The following VCAM1 variants were observed in gnomAD, a reference collection of about 807,000 sequenced individuals.
VCAM1 encodes the protein vascular cell adhesion molecule 1, also known as vascular cell adhesion protein 1.
In VCAM1, 41 loss-of-function variants were observed where a neutral mutation model predicts 63.8. The ratio of observed to expected loss-of-function variants is 0.64; its 90% CI spans 0.50 to 0.83. The LOEUF is 0.83. VCAM1 is among the 40% of genes least tolerant of loss of function. VCAM1 has a pLI of 0.00. For synonymous variants in VCAM1, 338 were observed against 320.7 expected (o/e 1.05, Z -0.58); for missense variants, 798 against 875.5 (o/e 0.91, Z 1.12).
chr1:100,729,175 T>G lies in VCAM1; in HGVS notation c.997T>G (p.Leu333Val), dbSNP rs762193254. 3 of 1,613,314 alleles carry G rather than the reference T, an allele frequency of 1.9e-6. No individual in the cohort carries two copies. Among genetic ancestry groups the G allele is most frequent in the Non-Finnish European group, 2.5e-6 (3 of 1,179,520 alleles). The change falls in exon 5 of 9, where the codon TTG becomes GTG. Residue 333 changes from leucine (L) to valine (V), a missense_variant. Physicochemically the swap from Leu to Val is conservative, Grantham distance 32. Coordinates refer to ENST00000294728, the MANE Select transcript of VCAM1 (RefSeq NM_001078.4). Reference protein sequence around the residue: ...IAAQIGDSVMLTCSVMGCESP... With the variant: ...IAAQIGDSVMVTCSVMGCESP... ...TGCTCAGATTGGAGACTCAGTCATGTTGACATGTAGTGTCATGGGCTGTGA... is the reference window on the plus strand; with the variant it reads ...TGCTCAGATTGGAGACTCAGTCATGGTGACATGTAGTGTCATGGGCTGTGA...
At chr1:100,724,549 C>A in intron 3 of VCAM1, 75 bp from the exon 4 acceptor site, 1 of 1,512,204 alleles carries the variant, frequency 6.6e-7, no homozygotes, top group Non-Finnish European at 8.9e-7. Context: ...CACATAAATA[C>A]TAAGAGAAAT....
At position 100,729,293 on chromosome 1, in the gene VCAM1, C is replaced by A; in HGVS notation, c.1115C>A (p.Pro372His). 6.2e-7 allele frequency: 1 copy of A among 1,613,514 alleles called. No homozygotes were observed. Residue 372 changes from proline (P) to histidine (H), a missense_variant, in exon 5 of 9, where the codon CCT becomes CAT. Pro to His is a moderately conservative substitution (Grantham distance 77). Coordinates refer to ENST00000294728, the MANE Select transcript of VCAM1 (RefSeq NM_001078.4). ...EGTNSTLTLS[P>H]VSFENEHSYL... Reference sequence around the variant, plus strand: ...ACCAATTCCACGCTGACCCTGAGCCCTGTGAGTTTTGAGAACGAACACTCT... The same window carrying A: ...ACCAATTCCACGCTGACCCTGAGCCATGTGAGTTTTGAGAACGAACACTCT...
At position 100,731,250 on chromosome 1, in the gene VCAM1, C is replaced by T; in HGVS notation, c.1257C>T (p.Ser419=). The part of the protein sequence containing the change: ...IEMSGGLVNG[S]SVTVSCKVPS... ...TGAGTGGTGGCCTCGTGAATGGGAG[C>T]TCTGTCACTGTAAGCTGCAAGGTTC... Residue 419 remains serine (S), a synonymous_variant, in exon 6 of 9, where the codon AGC becomes AGT. Transcript: ENST00000294728. This position sits in a 1 kb window ranked among gnomAD's most constrained non-coding sequence, Gnocchi z 4.2. The T allele has an allele frequency of 4.3e-6, 7 of 1,613,478 alleles. No homozygotes were observed. Among genetic ancestry groups the T allele is most frequent in the East Asian group, 2.2e-5 (1 of 44,856 alleles).
At chr1:100,728,715 AAT>A (rs35811606) in intron 4 of VCAM1, among the ~76,000 whole-genome samples, 7,346 of 144,940 alleles carry the variant, frequency 0.051, 515 homozygotes, top group African/African-American at 0.16. Flanking sequence ...ATTAAATGAG[AAT>A]ATATATATAT....
chr1:100,724,689 A>C lies in VCAM1; in HGVS notation c.727A>C (p.Thr243Pro). ...STKLQEGGSV[T>P]MTCSSEGLPA... The stretch of plus-strand genomic sequence containing the variant: ...AAAGCTGCAAGAAGGTGGCTCTGTG[A>C]CCATGACCTGTTCCAGCGAGGGTCT... The change falls in exon 4 of 9, where the codon ACC becomes CCC. Residue 243 changes from threonine (T) to proline (P), a missense_variant. Transcript: ENST00000294728. 1 of 1,613,134 alleles carries C rather than the reference A, an allele frequency of 6.2e-7. No homozygotes were observed. The highest frequency in any genetic ancestry group is 8.5e-7 in the Non-Finnish European group (1 of 1,179,438).
At chr1:100,724,060 T>C (rs1660070273) in intron 3 of VCAM1, among the ~76,000 whole-genome samples, 1 of 152,038 alleles carries the variant, frequency 6.6e-6, no homozygotes, top group African/African-American at 2.4e-5. Context: ...ATAGAGGATA[T>C]TTTTCTGAAG....
Position 100,738,439 on chromosome 1 carries a change from C to T in VCAM1, c.*156C>T. 2 of 792,288 alleles carry T rather than the reference C, an allele frequency of 2.5e-6. No individual in the cohort carries two copies. The highest frequency in any genetic ancestry group is 2.8e-5 in the South Asian group (1 of 35,296). 49.1% of individuals were successfully genotyped at this position (792,288 alleles called of 1,614,324 possible). A position where few individuals can be genotyped will look rare whatever the true frequency, so the allele number is the denominator to read the frequency against. On this transcript the variant is annotated 3_prime_UTR_variant, in exon 9 of 9. Transcript: ENST00000294728. ...GCCCATCTATGTCCCTTGCTGTGAG[C>T]AAGAAGTCAAAGTAAAACTTGCTGC...
intron 4 of VCAM1, among the ~76,000 whole-genome samples, chr1:100,727,072 T>C (rs1660190119): frequency 6.6e-6 from 1 of 151,926 alleles, no homozygotes; most frequent in South Asian, 2.1e-4. Flanking sequence ...TGTGTGTGTG[T>C]GTGTGTGAAT....
chr1:100,724,133 G>A (rs1660073594), intron 3 of VCAM1, among the ~76,000 whole-genome samples: 1 of 152,086 alleles, frequency 6.6e-6, no homozygotes, highest in Non-Finnish European at 1.5e-5. Flanking sequence ...TTATATGAAA[G>A]AGTGATTTAC....
intron 4 of VCAM1, among the ~76,000 whole-genome samples, chr1:100,728,751 G>A (rs1324757375): frequency 3.4e-5 from 5 of 147,736 alleles, no homozygotes; most frequent in African/African-American, 1.3e-4. Context: ...AATTTAGATA[G>A]TGCTTGACAC....
chr1:100,723,380 C>T (rs756634757), intron 3 of VCAM1, 40 bp downstream of exon 3: 26 of 1,587,844 alleles, frequency 1.6e-5, no homozygotes, highest in East Asian at 2.2e-5. Context: ...TTGTGGGAAT[C>T]CCACCTTGGT....
intron 8 of VCAM1, 184 bp from the exon 9 acceptor site, chr1:100,737,939 A>G: frequency 1.7e-6 from 1 of 593,438 alleles, no homozygotes; most frequent in Non-Finnish European, 2.9e-6. Context: ...CATAGCAACC[A>G]CCAACTGATT....
At chr1:100,737,143 C>T (rs935894307) in intron 8 of VCAM1, 2 of 152,010 alleles carry the variant, frequency 1.3e-5, no homozygotes, top group African/African-American at 2.4e-5. Flanking sequence ...CTACTGTACT[C>T]CATTTACAAC....
intron 5 of VCAM1, among the ~76,000 whole-genome samples, chr1:100,730,068 G>T (rs537977578): frequency 1.8e-4 from 27 of 152,120 alleles, no homozygotes; most frequent in East Asian, 1.9e-4. Context: ...AACAAAATAT[G>T]CAAAGTGACC....
chr1:100,719,844 C>T lies in VCAM1; in HGVS notation c.-17C>T. The stretch of plus-strand genomic sequence containing the variant: ...GGTTTTGGAACCACTATTTTCTCAT[C>T]ACGACAGCAACTTAAAATGCCTGGG... On this transcript the variant is annotated 5_prime_UTR_variant, in exon 1 of 9. Coordinates refer to ENST00000294728, the MANE Select transcript of VCAM1 (RefSeq NM_001078.4). 6.2e-7 allele frequency: 1 copy of T among 1,610,168 alleles called. No homozygotes were observed. The highest frequency in any genetic ancestry group is 1.1e-5 in the South Asian group (1 of 90,704).
At position 100,738,277 on chromosome 1, in the gene VCAM1, A is replaced by G; in HGVS notation, c.2214A>G (p.Lys738=). ...GTCTTGTAGAAGCACAGAAGTCAAA[A>G]GTGTAGCTAATGCTTGATATGTTCA... The part of the protein sequence containing the change: ...SYSLVEAQKS[K]V The change falls in exon 9 of 9, where the codon AAA becomes AAG. Residue 738 remains lysine, a synonymous_variant. Coordinates refer to ENST00000294728, the MANE Select transcript of VCAM1 (RefSeq NM_001078.4). 6.2e-7 allele frequency: 1 copy of G among 1,612,988 alleles called. No individual in the cohort carries two copies. The highest frequency in any genetic ancestry group is 1.1e-5 in the South Asian group (1 of 90,874).
chr1:100,725,256 C>G (rs933219510), intron 4 of VCAM1, among the ~76,000 whole-genome samples: 1 of 151,840 alleles, frequency 6.6e-6, no homozygotes, highest in Non-Finnish European at 1.5e-5. Flanking sequence ...GTTGATTACT[C>G]CCAAATTCAT....
chr1:100,733,590 G>A (rs1660542893), intron 7 of VCAM1, among the ~76,000 whole-genome samples: 1 of 152,160 alleles, frequency 6.6e-6, no homozygotes, highest in African/African-American at 2.4e-5. Flanking sequence ...CAAAATAGAA[G>A]ACCTTAATAG....
chr1:100,720,072 C>T, intron 1 of VCAM1, 148 bp downstream of exon 1: 1 of 842,316 alleles, frequency 1.2e-6, no homozygotes. Context: ...TTTTAATATG[C>T]AATTGAGTTT....
Sources: gnomAD v4.1 joint callset for allele counts (sites outside exome capture counted in the v4.1 genomes callset) on GRCh38, gnomAD v4.1.1 for gene constraint, Gnocchi (gnomAD v3.1) non-coding constraint, MANE v1.5 for transcripts, NCBI Gene and HGNC (gene_info 2026-07-23, HGNC 2026-07-21) for gene names.